The following POU6F2 variants were observed in gnomAD, a reference collection of about 807,000 sequenced individuals.
POU6F2 encodes POU class 6 homeobox 2.
POU6F2 carries 31 observed loss-of-function variants against 71.3 expected under a neutral mutation model. That is an observed-to-expected ratio of 0.43 (90% CI 0.33 to 0.59). The LOEUF is 0.59. POU6F2 is among the 20% of genes least tolerant of loss of function. The probability of loss-of-function intolerance (pLI) is 0.04; values close to 1 mark genes in which losing one functional copy is unlikely to be tolerated. For missense variants in POU6F2, 783 were observed against 856.8 expected (o/e 0.91, Z 1.07); for synonymous variants, 347 against 355.7 (o/e 0.98, Z 0.27).
chr7:39,367,140 T>A (rs888941374), intron 5 of POU6F2, among the ~76,000 whole-genome samples: 2 of 152,174 alleles, frequency 1.3e-5, no homozygotes, highest in Non-Finnish European at 2.9e-5. Flanking sequence ...TCCAAAAAAA[T>A]TGATGAATTA....
intron 9 of POU6F2, among the ~76,000 whole-genome samples, chr7:39,461,487 TA>T (rs1424751577): frequency 1.3e-5 from 2 of 152,178 alleles, no homozygotes; most frequent in Non-Finnish European, 2.9e-5. Context: ...TCTTGGGCAA[TA>T]CCTTATGAGT....
At chr7:39,356,691 T>G (rs1786267917) in intron 5 of POU6F2, among the ~76,000 whole-genome samples, 1 of 152,216 alleles carries the variant, frequency 6.6e-6, no homozygotes, top group South Asian at 2.1e-4. Flanking sequence ...CTGTCTTAAA[T>G]TTCTTTGCAA....
intron 2 of POU6F2, among the ~76,000 whole-genome samples, chr7:39,138,009 T>A (rs768796515): frequency 6.6e-6 from 1 of 152,210 alleles, no homozygotes; most frequent in Non-Finnish European, 1.5e-5. Flanking sequence ...ATTACAGGAA[T>A]TGGGGGTCTG....
chr7:39,416,669 G>T (rs1787683522), intron 6 of POU6F2, among the ~76,000 whole-genome samples: 1 of 152,168 alleles, frequency 6.6e-6, no homozygotes, highest in African/African-American at 2.4e-5. Context: ...AGAATTACAA[G>T]AATTCTTTTG....
intron 4 of POU6F2, among the ~76,000 whole-genome samples, chr7:39,333,790 G>A (rs953072530): frequency 5.3e-5 from 8 of 152,128 alleles, no homozygotes; most frequent in African/African-American, 1.9e-4. Flanking sequence ...AGCTGCATTT[G>A]CAAGCTGATC....
intron 5 of POU6F2, among the ~76,000 whole-genome samples, chr7:39,357,756 T>C (rs1786290209): frequency 6.6e-6 from 1 of 152,226 alleles, no homozygotes; most frequent in East Asian, 1.9e-4. Context: ...TATCATGTTC[T>C]CTCTAGAGCC....
At chr7:39,392,334 G>C (rs1787089317) in intron 5 of POU6F2, among the ~76,000 whole-genome samples, 1 of 152,216 alleles carries the variant, frequency 6.6e-6, no homozygotes, top group Non-Finnish European at 1.5e-5. Flanking sequence ...AGCAGGTCTA[G>C]GGTAGATGCT....
chr7:39,278,088 A>AGAGGGAGGGAGGGAGG (rs1347463084), intron 4 of POU6F2, among the ~76,000 whole-genome samples: 1 of 43,844 alleles, frequency 2.3e-5, no homozygotes, highest in Non-Finnish European at 4.7e-5. Context: ...AGCGAGAAAG[A>AGAGGGAGGGAGGGAGG]GAGGGAGGGA....
intron 7 of POU6F2, among the ~76,000 whole-genome samples, chr7:39,436,667 G>C (rs1434966961): frequency 6.6e-6 from 1 of 152,162 alleles, no homozygotes; most frequent in Non-Finnish European, 1.5e-5. Context: ...ATGTTGAATA[G>C]GAGTGGTGAG....
At chr7:39,126,402 T>G (rs1307000660) in intron 2 of POU6F2, among the ~76,000 whole-genome samples, 1 of 152,196 alleles carries the variant, frequency 6.6e-6, no homozygotes, top group African/African-American at 2.4e-5. Context: ...GAATGAGATG[T>G]GCCTTGGTTT....
rs1791892909 is a variant in POU6F2, at chr7:39,114,659, AT to A, written c.277+28630del. 6.6e-5 allele frequency among the ~76,000 whole-genome samples: 10 copies of A among 152,156 alleles called. No homozygotes were observed. The South Asian group carries it at 2.1e-3, about 32-fold the overall frequency. On this transcript the variant is annotated intron_variant, in intron 2 of 9. Coordinates refer to ENST00000518318, the MANE Select transcript of POU6F2 (RefSeq NM_001370959.1). ...CAGCAATTTTATTTTAAAAATTGCC[AT>A]TGGTCAGGTGCCAAATTACAGTTTT...
chr7:39,044,213 C>T (rs1163034411), intron 1 of POU6F2, among the ~76,000 whole-genome samples: 1 of 151,746 alleles, frequency 6.6e-6, no homozygotes, highest in Non-Finnish European at 1.5e-5. Flanking sequence ...CGTATGGGGT[C>T]GATTTTCATT....
Position 39,199,330 on chromosome 7 carries a change from A to T in POU6F2, c.278-4905A>T, listed in dbSNP as rs563578240. 3.1e-3 allele frequency among the ~76,000 whole-genome samples: 469 copies of T among 152,334 alleles called. 3 individuals carry two copies. Among genetic ancestry groups the T allele is most frequent in the African/African-American group, 0.011 (438 of 41,576 alleles). ...AGTATATACTCTCGGGATTAAAAAG[A>T]GTATATGTGTTTCTTAAAATGACTT... On this transcript the variant is annotated intron_variant, in intron 2 of 9. Coordinates refer to ENST00000518318, the MANE Select transcript of POU6F2 (RefSeq NM_001370959.1).
At chr7:39,185,488 C>T (rs1167637009) in intron 2 of POU6F2, among the ~76,000 whole-genome samples, 2 of 152,112 alleles carry the variant, frequency 1.3e-5, no homozygotes, top group Non-Finnish European at 2.9e-5. Context: ...TGTCTAAAAA[C>T]AAAGCCTACG....
intron 1 of POU6F2, chr7:39,013,433 T>A (rs1789381182): frequency 6.3e-6 from 1 of 158,708 alleles, no homozygotes; most frequent in Admixed American, 6.5e-5. Flanking sequence ...TGTCTGGAAC[T>A]CCCTAGTGAG....
At chr7:38,980,340 G>A (rs1788286157) in intron 1 of POU6F2, among the ~76,000 whole-genome samples, 1 of 152,068 alleles carries the variant, frequency 6.6e-6, no homozygotes, top group Non-Finnish European at 1.5e-5. Flanking sequence ...GTATTTAAAA[G>A]GAAAGAAGAA....
At chr7:39,436,695 T>A (rs1366725139) in intron 7 of POU6F2, among the ~76,000 whole-genome samples, 14 of 152,190 alleles carry the variant, frequency 9.2e-5, no homozygotes. Context: ...ATCCTTGTCT[T>A]GTACTAGTTT....
intron 4 of POU6F2, among the ~76,000 whole-genome samples, chr7:39,209,922 A>T (rs1434566082): frequency 1.3e-5 from 2 of 151,996 alleles, no homozygotes; most frequent in Non-Finnish European, 2.9e-5. Flanking sequence ...CTCAAATCTC[A>T]TCCTCTCTCA....
At chr7:39,009,896 T>C (rs926058394) in intron 1 of POU6F2, among the ~76,000 whole-genome samples, 3 of 151,578 alleles carry the variant, frequency 2.0e-5, no homozygotes, top group African/African-American at 7.3e-5. Flanking sequence ...GTGGATAAGC[T>C]TTTTGATGTG....
Sources: allele counts gnomAD v4.1 joint callset (sites outside exome capture counted in the v4.1 genomes callset), GRCh38; gene constraint gnomAD v4.1.1; transcripts MANE v1.5; gene names NCBI Gene and HGNC (gene_info 2026-07-23, HGNC 2026-07-21).